The following SEL1L variants were observed in gnomAD, a reference collection of about 807,000 sequenced individuals.
SEL1L encodes the protein protein sel-1 homolog 1.
A neutral mutation model predicts 109.8 loss-of-function variants in SEL1L; 52 were observed. That is an observed-to-expected ratio of 0.47 (90% CI 0.38 to 0.60). SEL1L has a LOEUF of 0.60. Ranked by LOEUF, SEL1L falls within the 20% of genes least tolerant of loss-of-function variation. SEL1L has a pLI of 0.00. For missense variants in SEL1L, 749 were observed against 962.2 expected (o/e 0.78, Z 2.93); for synonymous variants, 373 against 339.6 (o/e 1.10, Z -1.08).
chr14:81,492,631 C>T (rs1883589932), intron 11 of SEL1L, 83 bp from the exon 12 acceptor site: 1 of 948,220 alleles, frequency 1.1e-6, no homozygotes, highest in Admixed American at 2.7e-5. Flanking sequence ...ATTTCAGGAA[C>T]ATTTAAAAAA....
Position 81,498,415 on chromosome 14 carries a change from T to C in SEL1L, c.971A>G (p.His324Arg), listed in dbSNP as rs373674643. The C allele has an allele frequency of 2.5e-6, 4 of 1,611,910 alleles. No homozygotes were observed. Among genetic ancestry groups the C allele is most frequent in the East Asian group, 4.5e-5 (2 of 44,864 alleles). Residue 324 changes from histidine to arginine, a missense_variant and splice_region_variant, in exon 9 of 21, where the codon CAT becomes CGT. By Grantham distance (29) the His-to-Arg change is conservative. This residue lies in a region of SEL1L where 366 missense variants were observed against 399.8 expected (regional missense o/e 0.92). Transcript: ENST00000336735. ...GGTAAAAGGGGAAACATAGATACCA[T>C]GATTGGCAACAAGACGATAGTGAGT... ...ALTHYRLVAN[H>R]VASDISLTGG...
intron 1 of SEL1L, among the ~76,000 whole-genome samples, chr14:81,530,551 G>T (rs1024662753): frequency 1.3e-5 from 2 of 151,942 alleles, no homozygotes; most frequent in African/African-American, 4.8e-5. Context: ...GACTAACACT[G>T]CTTGGCACAA....
intron 3 of SEL1L, among the ~76,000 whole-genome samples, chr14:81,513,336 T>A (rs992158992): frequency 6.6e-6 from 1 of 152,200 alleles, no homozygotes; most frequent in Non-Finnish European, 1.5e-5. Flanking sequence ...CAATAAATCT[T>A]GTTGCTGCTC....
intron 3 of SEL1L, among the ~76,000 whole-genome samples, chr14:81,518,270 C>A (rs1289327293): frequency 6.6e-6 from 1 of 151,488 alleles, no homozygotes; most frequent in Non-Finnish European, 1.5e-5. Context: ...CTTCCACTTA[C>A]TAGGCCACAG....
At chr14:81,492,774 T>C (rs1034549756) in intron 11 of SEL1L, among the ~76,000 whole-genome samples, 1 of 152,234 alleles carries the variant, frequency 6.6e-6, no homozygotes, top group Non-Finnish European at 1.5e-5. Flanking sequence ...TGCATAATTA[T>C]AGATGCAAAG....
chr14:81,486,532 T>A, intron 16 of SEL1L, 78 bp from the exon 17 acceptor site: 1 of 1,428,430 alleles, frequency 7.0e-7, no homozygotes, highest in Non-Finnish European at 9.7e-7. Flanking sequence ...TGCACTTTGG[T>A]TACACATGAC....
Position 81,475,304 on chromosome 14 carries a change from C to T in SEL1L, c.*1668G>A, listed in dbSNP as rs1484398944. 1.3e-5 allele frequency: 2 copies of T among 152,498 alleles called. No individual in the cohort carries two copies. The highest frequency in any genetic ancestry group is 2.4e-5 in the African/African-American group (1 of 41,406). The allele number at this position is 152,498 out of a possible 1,614,324, so 9.4% of individuals were successfully genotyped here. A position where few individuals can be genotyped will look rare whatever the true frequency, so the allele number is the denominator to read the frequency against. On this transcript the variant is annotated 3_prime_UTR_variant, in exon 21 of 21. Coordinates refer to ENST00000336735, the MANE Select transcript of SEL1L (RefSeq NM_005065.6). ...ATGGCTCTCTTGGTGACTAACTCTT[C>T]GAATTTGGAAGCAATTATCTGGGAG...
intron 5 of SEL1L, among the ~76,000 whole-genome samples, chr14:81,503,206 G>A (rs2140019563): frequency 6.6e-6 from 1 of 152,314 alleles, no homozygotes; most frequent in African/African-American, 2.4e-5. Flanking sequence ...TGGTCAGGCT[G>A]ATCTCGAACT....
In SEL1L at chr14:81,487,498, C is replaced by T; in HGVS notation, c.1524G>A (p.Lys508=). 1 of 1,606,232 alleles carries T rather than the reference C, an allele frequency of 6.2e-7. No homozygotes were observed. ...GVKRDYKQAL[K]YFNLASQGGH... is the part of the protein sequence containing the mutation. ...CTCCCTGAGAAGCTAAATTAAAATA[C>T]TTCAAGGCCTGTTTATAATCTCTCT... The change falls in exon 16 of 21, where the codon AAG becomes AAA. Residue 508 remains lysine, a synonymous_variant. Transcript: ENST00000336735.
At position 81,529,837 on chromosome 14, in the gene SEL1L, A is replaced by C. The variant is rs541576427; in HGVS notation, c.71-2099T>G. Among the ~76,000 whole-genome samples the C allele has an allele frequency of 2.8e-4, 43 of 152,344 alleles. No homozygotes were observed. In the South Asian group the frequency reaches 8.5e-3, roughly 30 times the overall value. On this transcript the variant is annotated intron_variant, in intron 1 of 20. Coordinates refer to ENST00000336735, the MANE Select transcript of SEL1L (RefSeq NM_005065.6). Reference sequence around the variant, plus strand: ...CTTTTTAAAGAGTTGTTTATAACCTAGGAACTTCTGATAAGTAGTATTCAG... The same window carrying C: ...CTTTTTAAAGAGTTGTTTATAACCTCGGAACTTCTGATAAGTAGTATTCAG...
intron 5 of SEL1L, among the ~76,000 whole-genome samples, chr14:81,503,142 G>A (rs777997897): frequency 1.1e-4 from 16 of 151,664 alleles, no homozygotes; most frequent in South Asian, 2.1e-4. Flanking sequence ...ACAGGCGTGC[G>A]CCACCGTGCC....
chr14:81,497,718 AGT>A (rs1209729176), intron 10 of SEL1L, among the ~76,000 whole-genome samples, 172 bp downstream of exon 10: 2 of 151,558 alleles, frequency 1.3e-5, no homozygotes, highest in African/African-American at 4.9e-5. Flanking sequence ...ATCTCCTGAG[AGT>A]GTGAGACTCT....
intron 20 of SEL1L, among the ~76,000 whole-genome samples, chr14:81,477,495 T>A (rs1903202036): frequency 6.6e-6 from 1 of 151,984 alleles, no homozygotes; most frequent in Non-Finnish European, 1.5e-5. Context: ...TCACAGAAAA[T>A]ATTTGGAAAA....
In SEL1L at chr14:81,476,921, C is replaced by T. The variant is rs1198631254; in HGVS notation, c.*51G>A. Reference sequence around the variant, plus strand: ...GTCCTAAATCAAATGCAAGTGTTCCCAGCAGATAACTTCCTTCGCTGTCAC... The same window carrying T: ...GTCCTAAATCAAATGCAAGTGTTCCTAGCAGATAACTTCCTTCGCTGTCAC... On this transcript the variant is annotated 3_prime_UTR_variant, in exon 21 of 21. Transcript: ENST00000336735. The T allele has an allele frequency of 6.3e-7, 1 of 1,584,198 alleles. No individual in the cohort carries two copies. The highest frequency in any genetic ancestry group is 1.1e-5 in the South Asian group (1 of 89,806).
chr14:81,505,271 A>G (rs1032214515), intron 4 of SEL1L, among the ~76,000 whole-genome samples: 20 of 152,250 alleles, frequency 1.3e-4, no homozygotes, highest in Non-Finnish European at 7.3e-5. Flanking sequence ...TCAAACTGAT[A>G]TAACACTGAA....
Position 81,485,799 on chromosome 14 carries a change from C to T in SEL1L, c.1799-53G>A. The T allele has an allele frequency of 2.0e-6, 3 of 1,491,772 alleles. No homozygotes were observed. The South Asian group carries it at 3.4e-5, about 17-fold the overall frequency. 92.4% of individuals were successfully genotyped at this position (1,491,772 alleles called of 1,614,324 possible). On this transcript the variant is annotated intron_variant, in intron 17 of 20. Transcript: ENST00000336735. ...CAGGCATTTAAGAAAAGGCACTAGA[C>T]TTAATTTTCATTTGCAAAGTAGGAA...
At chr14:81,509,870 G>T (rs1383686277) in intron 3 of SEL1L, among the ~76,000 whole-genome samples, 1 of 152,130 alleles carries the variant, frequency 6.6e-6, no homozygotes, top group Non-Finnish European at 1.5e-5. Context: ...ATGTACAAGA[G>T]AATACTTGTA....
intron 18 of SEL1L, 130 bp downstream of exon 18, chr14:81,485,542 T>C: frequency 1.4e-6 from 1 of 740,178 alleles, no homozygotes; most frequent in Non-Finnish European, 2.3e-6. Context: ...TCCTCCTGCC[T>C]TGGCTTCCGA....
At chr14:81,510,518 A>C (rs199731823) in intron 3 of SEL1L, among the ~76,000 whole-genome samples, 6,956 of 124,206 alleles carry the variant, frequency 0.056, 200 homozygotes, top group East Asian at 0.15. Flanking sequence ...CTCTCTCTAT[A>C]TATATATATA....
Sources: allele counts gnomAD v4.1 joint callset (sites outside exome capture counted in the v4.1 genomes callset), GRCh38; gene constraint gnomAD v4.1.1; regional missense constraint gnomAD v4.1.1; transcripts MANE v1.5; gene names NCBI Gene and HGNC (gene_info 2026-07-23, HGNC 2026-07-21).